ITGA9: variants seen among roughly 807,000 people sequenced by gnomAD.
ITGA9 encodes integrin alpha-9.
ITGA9 carries 56 observed loss-of-function variants against 127.8 expected under a neutral mutation model. That is an observed-to-expected ratio of 0.44 (90% confidence interval 0.35 to 0.55). The LOEUF is 0.55. Among genes scored for constraint, ITGA9 ranks in the 20% least tolerant of loss-of-function variants. The probability of loss-of-function intolerance (pLI) is 0.00; values close to 1 mark genes in which losing one functional copy is unlikely to be tolerated. For missense variants in ITGA9, 1,196 were observed against 1,347.1 expected (o/e 0.89, Z 1.76); for synonymous variants, 508 against 514.5 (o/e 0.99, Z 0.17).
intron 27 of ITGA9, chr3:37,818,193 A>T (rs1242086236): frequency 4.3e-5 from 5 of 116,630 alleles, no homozygotes; most frequent in African/African-American, 1.3e-4. Context: ...AGACTCTCTA[A>T]AAAAAAAAAA....
In ITGA9 at chr3:37,488,697, G is replaced by A. The variant is rs549180120; in HGVS notation, c.545-5804G>A. Among the ~76,000 whole-genome samples, 9 of 151,802 alleles carry A rather than the reference G, an allele frequency of 5.9e-5. 2 individuals are homozygous for A. The South Asian group carries it at 1.9e-3, about 32-fold the overall frequency. On this transcript the variant is annotated intron_variant, in intron 4 of 27. Transcript: ENST00000264741. ...TCTGTAATCCCAGCTACTTGGGAGGGTGAGGCACGAGAATCACTGGAACCT... is the reference window on the plus strand; with the variant it reads ...TCTGTAATCCCAGCTACTTGGGAGGATGAGGCACGAGAATCACTGGAACCT...
In ITGA9 at chr3:37,452,849, C is replaced by A. The variant is rs1015146740; in HGVS notation, c.185+290C>A. ...GGGAGAGCCGCTAGAGTTGTCTCCT[C>A]CGCCGCCCAGCTAGACTCGGCTTCA... On this transcript the variant is annotated intron_variant, in intron 1 of 27. Coordinates refer to ENST00000264741, the MANE Select transcript of ITGA9 (RefSeq NM_002207.3). The surrounding 1 kb of genome is among the most constrained non-coding windows in gnomAD (Gnocchi z 7.3). Among the ~76,000 whole-genome samples, 1 of 152,110 alleles carries A rather than the reference C, an allele frequency of 6.6e-6. No individual in the cohort carries two copies. The highest frequency in any genetic ancestry group is 1.5e-5 in the Non-Finnish European group (1 of 68,010).
chr3:37,737,184 T>C (rs540680355), intron 20 of ITGA9, among the ~76,000 whole-genome samples: 1 of 152,310 alleles, frequency 6.6e-6, no homozygotes, highest in African/African-American at 2.4e-5. Flanking sequence ...TAGCCGCCAC[T>C]GCAGATTGAA....
rs542371163 is a variant in ITGA9, at chr3:37,502,966, C to G, written c.613-212C>G. Among the ~76,000 whole-genome samples the G allele has an allele frequency of 1.2e-4, 19 of 152,286 alleles. No individual in the cohort carries two copies. In the South Asian group the frequency reaches 3.5e-3, roughly 28 times the overall value. Reference sequence around the variant, plus strand: ...CGTGAATTCTGTCACCTTGCTCAGTCTCTTCACATCTTTAGTCCTGATAAT... The same window carrying G: ...CGTGAATTCTGTCACCTTGCTCAGTGTCTTCACATCTTTAGTCCTGATAAT... On this transcript the variant is annotated intron_variant, in intron 5 of 27. Transcript: ENST00000264741.
At chr3:37,724,517 CAG>C (rs773250321) in intron 18 of ITGA9, among the ~76,000 whole-genome samples, 42 of 151,756 alleles carry the variant, frequency 2.8e-4, no homozygotes, top group Non-Finnish European at 5.7e-4. Flanking sequence ...TTTTTTGAGA[CAG>C]AGTTTCGCTC....
intron 23 of ITGA9, among the ~76,000 whole-genome samples, chr3:37,773,274 C>T (rs531157546): frequency 1.4e-4 from 22 of 152,328 alleles, no homozygotes; most frequent in Non-Finnish European, 2.6e-4. Flanking sequence ...TTTCTCTAAA[C>T]CCAGACCAAA....
intron 15 of ITGA9, among the ~76,000 whole-genome samples, chr3:37,604,894 T>C (rs1447901059): frequency 6.6e-6 from 1 of 152,166 alleles, no homozygotes; most frequent in East Asian, 1.9e-4. Context: ...GAAAGGCATG[T>C]CAGTTGTCTA....
chr3:37,641,647 C>A (rs1050917991), intron 16 of ITGA9, among the ~76,000 whole-genome samples: 2 of 152,168 alleles, frequency 1.3e-5, no homozygotes, highest in African/African-American at 4.8e-5. Flanking sequence ...AACCTCCTCC[C>A]GCTGAGGAGC....
At chr3:37,555,963 A>G (rs1318407801) in intron 15 of ITGA9, among the ~76,000 whole-genome samples, 3 of 152,244 alleles carry the variant, frequency 2.0e-5, no homozygotes, top group Admixed American at 6.5e-5. Context: ...GGTATTGCTC[A>G]GTGGGAAAGG....
At chr3:37,574,294 A>C (rs892995277) in intron 15 of ITGA9, among the ~76,000 whole-genome samples, 2 of 152,214 alleles carry the variant, frequency 1.3e-5, no homozygotes, top group Non-Finnish European at 2.9e-5. Flanking sequence ...TTATTTTTGA[A>C]TCAGCTTCAT....
intron 2 of ITGA9, among the ~76,000 whole-genome samples, chr3:37,472,165 G>A (rs1023537132): frequency 1.3e-5 from 2 of 152,280 alleles, no homozygotes; most frequent in Admixed American, 1.3e-4. Context: ...GGACTGATTG[G>A]GAATGTCCTA....
chr3:37,705,408 A>G (rs1700993165), intron 18 of ITGA9, among the ~76,000 whole-genome samples: 1 of 152,226 alleles, frequency 6.6e-6, no homozygotes, highest in Admixed American at 6.5e-5. Context: ...GTTGCATGTT[A>G]CATATAGAAC....
At chr3:37,565,631 A>G (rs1035300426) in intron 15 of ITGA9, among the ~76,000 whole-genome samples, 1 of 152,260 alleles carries the variant, frequency 6.6e-6, no homozygotes, top group African/African-American at 2.4e-5. Context: ...TGGTTGCAGA[A>G]TAATGAAAAT....
At chr3:37,679,818 G>A (rs78884447) in intron 17 of ITGA9, among the ~76,000 whole-genome samples, 3,846 of 152,272 alleles carry the variant, frequency 0.025, 161 homozygotes, top group African/African-American at 0.087. Flanking sequence ...TCTGTCACTA[G>A]GAGTTCAACG....
chr3:37,635,966 A>C (rs1374814852), intron 16 of ITGA9, among the ~76,000 whole-genome samples: 1 of 151,756 alleles, frequency 6.6e-6, no homozygotes, highest in South Asian at 2.1e-4. Context: ...CGAAGTCATC[A>C]TTTTTTATGG....
At chr3:37,796,709 T>G (rs933190891) in intron 26 of ITGA9, among the ~76,000 whole-genome samples, 4 of 152,202 alleles carry the variant, frequency 2.6e-5, no homozygotes, top group African/African-American at 9.6e-5. Flanking sequence ...ATCTCTTTTG[T>G]TGCAAACTGA....
chr3:37,663,505 A>G (rs1229946195), intron 17 of ITGA9, among the ~76,000 whole-genome samples: 3 of 152,152 alleles, frequency 2.0e-5, no homozygotes, highest in Non-Finnish European at 2.9e-5. Flanking sequence ...GGCGAAGTGC[A>G]TTTCCCAAAA....
At chr3:37,768,977 C>G (rs1307293147) in intron 23 of ITGA9, among the ~76,000 whole-genome samples, 1 of 152,098 alleles carries the variant, frequency 6.6e-6, no homozygotes, top group Non-Finnish European at 1.5e-5. Flanking sequence ...GGAACCCCAG[C>G]CAGCTGATGG....
intron 23 of ITGA9, among the ~76,000 whole-genome samples, chr3:37,772,412 A>G (rs113973718): frequency 0.036 from 5,419 of 152,098 alleles, 302 homozygotes; most frequent in African/African-American, 0.12. Flanking sequence ...CATCTCAAAA[A>G]AAAAACAAAA....
Sources: gnomAD v4.1 joint callset for allele counts (sites outside exome capture counted in the v4.1 genomes callset) on GRCh38, gnomAD v4.1.1 for gene constraint, Gnocchi (gnomAD v3.1) non-coding constraint, MANE v1.5 for transcripts, NCBI Gene and HGNC (gene_info 2026-07-23, HGNC 2026-07-21) for gene names.